The following PRKAR1A variants were observed in gnomAD, a reference collection of about 807,000 sequenced individuals.
PRKAR1A encodes the protein protein kinase cAMP-dependent type I regulatory subunit alpha.
In PRKAR1A, 3 loss-of-function variants were observed where a neutral mutation model predicts 52.0. The observed-to-expected ratio is 0.06, with a 90% confidence interval of 0.03 to 0.15. The LOEUF (loss-of-function observed/expected upper bound fraction) is 0.15. Among genes scored for constraint, PRKAR1A ranks in the 10% least tolerant of loss-of-function variants. The pLI is 1.00. For missense variants in PRKAR1A, 240 were observed against 477.4 expected (o/e 0.50, Z 4.63); for synonymous variants, 188 against 168.4 (o/e 1.12, Z -0.90).
chr17:68,538,728 C>T (rs2086169134), intron 11 of PRKAR1A, among the ~76,000 whole-genome samples: 1 of 152,140 alleles, frequency 6.6e-6, no homozygotes. Flanking sequence ...AATATCAAAA[C>T]CCAGCAGACT....
chr17:68,475,084 G>C, the PRKAR1A span, among the ~76,000 whole-genome samples: 1 of 151,900 alleles, frequency 6.6e-6, no homozygotes, highest in Admixed American at 6.6e-5. Context: ...CGATAAAGAG[G>C]GAAAATATAA....
chr17:68,435,206 C>A, the PRKAR1A span, among the ~76,000 whole-genome samples: 51 of 139,146 alleles, frequency 3.7e-4, no homozygotes, highest in South Asian at 6.9e-4. Context: ...GACTCCACCT[C>A]AAAAAAAAAA....
At chr17:68,445,006 T>C in the PRKAR1A span, among the ~76,000 whole-genome samples, 1 of 148,246 alleles carries the variant, frequency 6.7e-6, no homozygotes, top group African/African-American at 2.5e-5. Flanking sequence ...CTGCAACCTC[T>C]GCCTCCAGGG....
the PRKAR1A span, among the ~76,000 whole-genome samples, chr17:68,487,869 G>C: frequency 6.6e-6 from 1 of 151,360 alleles, no homozygotes; most frequent in Non-Finnish European, 1.5e-5. Flanking sequence ...CATTTTCTTT[G>C]TGCCAGATAG....
chr17:68,457,388 C>A, the PRKAR1A span: 2 of 1,536,176 alleles, frequency 1.3e-6, no homozygotes, highest in Non-Finnish European at 1.8e-6. Context: ...GACTCAACCC[C>A]GCCCGGGGGA....
At position 68,532,443 on chromosome 17, in the gene PRKAR1A, T is replaced by G. The variant is rs1337701337; in HGVS notation, c.*1994T>G. The stretch of plus-strand genomic sequence containing the variant: ...GTTTACTCCCTTCTGTAGTTTTTAA[T>G]TAAAAACTTTAAAGATAAGTCTACA... On this transcript the variant is annotated 3_prime_UTR_variant, in exon 11 of 11. Transcript: ENST00000589228. The G allele has an allele frequency of 9.4e-7, 1 of 1,060,582 alleles. No homozygotes were observed. Among genetic ancestry groups the G allele is most frequent in the African/African-American group, 1.6e-5 (1 of 60,960 alleles). The allele number at this position is 1,060,582 out of a possible 1,614,324, so 65.7% of individuals were successfully genotyped here. A position where few individuals can be genotyped will look rare whatever the true frequency, so the allele number is the denominator to read the frequency against.
chr17:68,479,697 T>C, the PRKAR1A span, among the ~76,000 whole-genome samples: 2 of 152,252 alleles, frequency 1.3e-5, no homozygotes, highest in Non-Finnish European at 2.9e-5. Context: ...CCTGTTTAAC[T>C]AGTCTACTGA....
chr17:68,450,826 T>C, the PRKAR1A span: 59 of 1,614,190 alleles, frequency 3.7e-5, no homozygotes, highest in Non-Finnish European at 4.7e-5. Context: ...TGCCGTGGTT[T>C]TGTGTGACTG....
At chr17:68,527,495 A>T (rs2085828032) in intron 7 of PRKAR1A, 1 of 273,776 alleles carries the variant, frequency 3.7e-6, no homozygotes, top group South Asian at 3.7e-5. Context: ...ATTGGTTTAA[A>T]GTGTGTGGAA....
At chr17:68,529,131 T>C in intron 9 of PRKAR1A, 140 bp downstream of exon 9, 1 of 1,014,624 alleles carries the variant, frequency 9.9e-7, no homozygotes, top group Non-Finnish European at 1.4e-6. Context: ...TACCTGACCA[T>C]TTTATTTTAA....
intron 11 of PRKAR1A, among the ~76,000 whole-genome samples, chr17:68,550,376 T>TTTA (rs999170751): frequency 7.6e-6 from 1 of 131,262 alleles, no homozygotes; most frequent in Non-Finnish European, 1.6e-5. Flanking sequence ...GAACTTTTTT[T>TTTA]TTTTTTTTTT....
chr17:68,452,981 G>A, the PRKAR1A span: 1,232,688 of 1,611,838 alleles, frequency 0.76, 473,991 homozygotes, highest in African/African-American at 0.85. Flanking sequence ...TTTAGTTCCA[G>A]TTGCTAGGGA....
At position 68,547,478 on chromosome 17, in the gene PRKAR1A, G is replaced by A. The variant is rs544331304; in HGVS notation, c.974-3606G>A. Reference sequence around the variant, plus strand: ...GAAAACCTATTGTTAGTGTAGCTACGTTCATCAATGATCTTAGCTAGATCT... The same window carrying A: ...GAAAACCTATTGTTAGTGTAGCTACATTCATCAATGATCTTAGCTAGATCT... On this transcript the variant is annotated intron_variant, in intron 11 of 11. Coordinates refer to the PRKAR1A transcript ENST00000585981. Among the ~76,000 whole-genome samples, 171 of 152,298 alleles carry A rather than the reference G, an allele frequency of 1.1e-3. 2 individuals carry two copies. The highest frequency in any genetic ancestry group is 5.2e-4 in the Admixed American group (8 of 15,298).
chr17:68,536,067 A>G, downstream of PRKAR1A: 1 of 454,068 alleles, frequency 2.2e-6, no homozygotes, highest in Non-Finnish European at 4.4e-6. Context: ...AGTGAATGGT[A>G]GTGATTTTAG....
chr17:68,530,698 G>A lies in PRKAR1A; in HGVS notation c.*249G>A. 3 of 1,397,092 alleles carry A rather than the reference G, an allele frequency of 2.1e-6. No individual in the cohort carries two copies. In the South Asian group the frequency reaches 4.4e-5, roughly 20 times the overall value. 86.5% of individuals were successfully genotyped at this position (1,397,092 alleles called of 1,614,324 possible). A position where few individuals can be genotyped will look rare whatever the true frequency, so the allele number is the denominator to read the frequency against. On this transcript the variant is annotated 3_prime_UTR_variant, in exon 11 of 11. Transcript: ENST00000589228. ...CTGTTACTGCTTCTCTTTGTGCAGTGTTAGTATTCACCCTGGGCAGTGAGT... is the reference window on the plus strand; with the variant it reads ...CTGTTACTGCTTCTCTTTGTGCAGTATTAGTATTCACCCTGGGCAGTGAGT...
At chr17:68,527,646 C>T in intron 7 of PRKAR1A, 194 bp from the exon 8 acceptor site, 1 of 548,072 alleles carries the variant, frequency 1.8e-6, no homozygotes, top group Non-Finnish European at 3.3e-6. Context: ...ATAAAAATCA[C>T]AAGAATGTCA....
At chr17:68,547,247 G>A (rs1029611761) in intron 11 of PRKAR1A, among the ~76,000 whole-genome samples, 1 of 152,148 alleles carries the variant, frequency 6.6e-6, no homozygotes, top group Non-Finnish European at 1.5e-5. Context: ...GAGTCAGCCT[G>A]TCCTTTGAAT....
chr17:68,451,509 G>C, the PRKAR1A span, among the ~76,000 whole-genome samples: 1 of 152,232 alleles, frequency 6.6e-6, no homozygotes, highest in Admixed American at 6.5e-5. Flanking sequence ...GATGCTGTCT[G>C]AGTGGCAGAA....
intron 11 of PRKAR1A, among the ~76,000 whole-genome samples, chr17:68,549,265 CAG>C (rs1318951203): frequency 1.1e-4 from 17 of 152,260 alleles, no homozygotes; most frequent in African/African-American, 2.9e-4. Flanking sequence ...GAGGCCAAGA[CAG>C]GGGAATCGCC....
Sources: gnomAD v4.1 joint callset for allele counts (sites outside exome capture counted in the v4.1 genomes callset) on GRCh38, gnomAD v4.1.1 for gene constraint, MANE v1.5 for transcripts, NCBI Gene and HGNC (gene_info 2026-07-23, HGNC 2026-07-21) for gene names.